Variants in ZNF385B observed in about 807,000 individuals in gnomAD.
ZNF385B encodes the protein zinc finger protein 533.
A neutral mutation model predicts 39.2 loss-of-function variants in ZNF385B; 23 were observed. That is an observed-to-expected ratio of 0.59 (90% confidence interval 0.42 to 0.83). ZNF385B has a LOEUF of 0.83. Among genes scored for constraint, ZNF385B ranks in the 40% least tolerant of loss-of-function variants. ZNF385B has a pLI of 0.00. For synonymous variants in ZNF385B, 205 were observed against 222.6 expected (o/e 0.92, Z 0.70); for missense variants, 552 against 598.9 (o/e 0.92, Z 0.82).
At chr2:179,681,841 T>C (rs570923688) in intron 3 of ZNF385B, among the ~76,000 whole-genome samples, 1 of 152,336 alleles carries the variant, frequency 6.6e-6, no homozygotes, top group Admixed American at 6.5e-5. Flanking sequence ...GTATTAACAG[T>C]TGAAAATGTG....
intron 3 of ZNF385B, among the ~76,000 whole-genome samples, chr2:179,754,565 C>CT (rs762006398): frequency 6.6e-6 from 1 of 152,074 alleles, no homozygotes; most frequent in Non-Finnish European, 1.5e-5. Flanking sequence ...CTGTCCTGGA[C>CT]TTTTTTTGGT....
intron 6 of ZNF385B, among the ~76,000 whole-genome samples, chr2:179,448,069 G>C (rs749526229): frequency 3.6e-4 from 55 of 151,330 alleles, no homozygotes; most frequent in Non-Finnish European, 6.6e-4. Flanking sequence ...GGTTTACTTA[G>C]AATAAATGAA....
chr2:179,606,440 C>T (rs1367771018), intron 3 of ZNF385B, among the ~76,000 whole-genome samples: 2 of 152,116 alleles, frequency 1.3e-5, no homozygotes, highest in African/African-American at 4.8e-5. Context: ...GTATTGCCTT[C>T]AGAAAGCACA....
intron 3 of ZNF385B, among the ~76,000 whole-genome samples, chr2:179,709,421 T>C (rs188126652): frequency 2.0e-5 from 3 of 152,288 alleles, no homozygotes; most frequent in Admixed American, 6.5e-5. Context: ...TGAATGGTAG[T>C]AGGGCACCCC....
chr2:179,786,366 AC>A (rs1483461140), intron 1 of ZNF385B, among the ~76,000 whole-genome samples: 1 of 152,198 alleles, frequency 6.6e-6, no homozygotes, highest in Non-Finnish European at 1.5e-5. Flanking sequence ...TTATATATTT[AC>A]AAAAATCCGA....
At chr2:179,782,797 T>C (rs1310863997) in intron 1 of ZNF385B, among the ~76,000 whole-genome samples, 3 of 152,018 alleles carry the variant, frequency 2.0e-5, no homozygotes, top group Admixed American at 6.6e-5. Flanking sequence ...ATCTCTATGA[T>C]GAGAATTATA....
At chr2:179,636,089 A>G (rs1217738168) in intron 3 of ZNF385B, among the ~76,000 whole-genome samples, 2 of 152,244 alleles carry the variant, frequency 1.3e-5, no homozygotes, top group Non-Finnish European at 2.9e-5. Context: ...GTGAGAACTT[A>G]CATTTTTATT....
intron 3 of ZNF385B, among the ~76,000 whole-genome samples, chr2:179,581,401 T>C (rs1686502458): frequency 1.3e-5 from 2 of 152,212 alleles, no homozygotes; most frequent in South Asian, 4.1e-4. Context: ...ATCTTATTTT[T>C]TGTAAAGCTG....
Position 179,446,612 on chromosome 2 carries a change from C to T in ZNF385B, c.874G>A (p.Glu292Lys), listed in dbSNP as rs766796758. ...NGAPGTVVESEEEKAKKLLYC... is the reference protein window; with the variant it reads ...NGAPGTVVESKEEKAKKLLYC... The stretch of plus-strand genomic sequence containing the variant: ...AGTAATTTTTTGGCTTTTTCTTCTT[C>T]TGATTCAACAACAGTACCGGGAGCT... Residue 292 changes from glutamate to lysine, a missense_variant, in exon 7 of 10, where the codon GAA becomes AAA. By Grantham distance (56) the Glu-to-Lys change is moderately conservative (BLOSUM62 1). Transcript: ENST00000410066. 6.2e-7 allele frequency: 1 copy of T among 1,614,008 alleles called. No individual in the cohort carries two copies. Among genetic ancestry groups the T allele is most frequent in the African/African-American group, 1.3e-5 (1 of 75,010 alleles).
chr2:179,493,776 TATATACAC>T (rs2055785639), intron 5 of ZNF385B, among the ~76,000 whole-genome samples: 2 of 82,522 alleles, frequency 2.4e-5, no homozygotes, highest in African/African-American at 7.9e-5. Context: ...TACATATATG[TATATACAC>T]ATATGTATAC....
At chr2:179,722,929 A>AT (rs1700783953) in intron 3 of ZNF385B, among the ~76,000 whole-genome samples, 1 of 152,212 alleles carries the variant, frequency 6.6e-6, no homozygotes, top group African/African-American at 2.4e-5. Context: ...AAGAGGAAAC[A>AT]CAAATGGCCA....
At chr2:179,850,177 A>G (rs1709005691) in intron 1 of ZNF385B, among the ~76,000 whole-genome samples, 1 of 152,148 alleles carries the variant, frequency 6.6e-6, no homozygotes, top group Admixed American at 6.5e-5. Flanking sequence ...GAGTTCAGGA[A>G]CACCTTTCTC....
intron 3 of ZNF385B, among the ~76,000 whole-genome samples, chr2:179,718,084 AT>A (rs1171184460): frequency 6.6e-6 from 1 of 152,126 alleles, no homozygotes; most frequent in Non-Finnish European, 1.5e-5. Context: ...ATAATATCTC[AT>A]TTAGTAAATC....
chr2:179,448,346 C>T (rs916859592), intron 6 of ZNF385B, among the ~76,000 whole-genome samples: 3 of 152,008 alleles, frequency 2.0e-5, no homozygotes, highest in African/African-American at 7.2e-5. Context: ...ACTCATAAAG[C>T]AGCAAAATAA....
At chr2:179,445,818 C>A in intron 7 of ZNF385B, 90 bp from the exon 8 acceptor site, 3 of 1,218,898 alleles carry the variant, frequency 2.5e-6, no homozygotes, top group Non-Finnish European at 3.3e-6. Flanking sequence ...TACCTGCAGG[C>A]TAAAATTCCC....
intron 3 of ZNF385B, among the ~76,000 whole-genome samples, chr2:179,644,548 A>G (rs1692546792): frequency 6.6e-6 from 1 of 152,210 alleles, no homozygotes; most frequent in African/African-American, 2.4e-5. Context: ...ACTCAATTTA[A>G]GAGAGATATG....
intron 3 of ZNF385B, among the ~76,000 whole-genome samples, chr2:179,739,373 C>CTA (rs1701954587): frequency 4.6e-5 from 7 of 152,146 alleles, no homozygotes; most frequent in Non-Finnish European, 1.0e-4. Flanking sequence ...ATAGAACAGG[C>CTA]TCCTCTAGAG....
At chr2:179,603,225 A>G (rs1485890303) in intron 3 of ZNF385B, among the ~76,000 whole-genome samples, 1 of 152,086 alleles carries the variant, frequency 6.6e-6, no homozygotes, top group Non-Finnish European at 1.5e-5. Context: ...CTAAGCCACA[A>G]TTTCCTCACC....
chr2:179,634,184 G>A (rs1425168970), intron 3 of ZNF385B, among the ~76,000 whole-genome samples: 1 of 151,534 alleles, frequency 6.6e-6, no homozygotes, highest in South Asian at 2.1e-4. Context: ...AAAAGCAATG[G>A]CAACAAAAGC....
Sources: allele counts gnomAD v4.1 joint callset (sites outside exome capture counted in the v4.1 genomes callset), GRCh38; gene constraint gnomAD v4.1.1; transcripts MANE v1.5; gene names NCBI Gene and HGNC (gene_info 2026-07-23, HGNC 2026-07-21).